Variants in SHISA9 observed in about 807,000 individuals in gnomAD.
The protein encoded by SHISA9 is protein shisa-9.
Under a neutral mutation model 38.0 loss-of-function variants are expected in SHISA9, and 13 were observed. The observed-to-expected ratio is 0.34, with a 90% CI of 0.22 to 0.54. The LOEUF is 0.54. Among genes scored for constraint, SHISA9 ranks in the 20% least tolerant of loss-of-function variants. The pLI is 0.91. For missense variants in SHISA9, 538 were observed against 575.8 expected (o/e 0.93, Z 0.67); for synonymous variants, 275 against 242.0 (o/e 1.14, Z -1.27).
chr16:13,539,358 T>TATAAAA, the SHISA9 span, among the ~76,000 whole-genome samples: 1 of 65,360 alleles, frequency 1.5e-5, no homozygotes, highest in African/African-American at 5.3e-5. Flanking sequence ...TATATATATA[T>TATAAAA]AAAGACAGGA....
downstream of SHISA9, among the ~76,000 whole-genome samples, chr16:13,243,416 G>T (rs1567263670): frequency 1.3e-5 from 2 of 152,030 alleles, no homozygotes. Flanking sequence ...ATATTGGTTT[G>T]GTCCAGAAAG....
intron 2 of SHISA9, among the ~76,000 whole-genome samples, chr16:13,177,518 A>G (rs1302482380): frequency 1.3e-5 from 2 of 152,064 alleles, no homozygotes; most frequent in African/African-American, 4.8e-5. Context: ...ACTAGTGCTC[A>G]ATACTTCTAC....
chr16:13,283,557 T>C, the SHISA9 span, among the ~76,000 whole-genome samples: 1 of 152,042 alleles, frequency 6.6e-6, no homozygotes, highest in African/African-American at 2.4e-5. Flanking sequence ...TTTCTCCCTA[T>C]AAAACCATCA....
At chr16:13,251,060 C>A in the SHISA9 span, among the ~76,000 whole-genome samples, 1 of 152,108 alleles carries the variant, frequency 6.6e-6, no homozygotes, top group Admixed American at 6.5e-5. Context: ...TTCACCTGCA[C>A]GATAGGGTTC....
intron 2 of SHISA9, among the ~76,000 whole-genome samples, chr16:12,931,791 T>A (rs1030303734): frequency 2.0e-5 from 3 of 152,204 alleles, no homozygotes; most frequent in Non-Finnish European, 2.9e-5. Flanking sequence ...CTAGGTCAGA[T>A]GAAGTTGCCC....
chr16:13,460,354 C>G, the SHISA9 span, among the ~76,000 whole-genome samples: 1 of 152,120 alleles, frequency 6.6e-6, no homozygotes, highest in African/African-American at 2.4e-5. Flanking sequence ...CAGTCATTTA[C>G]TGTGTGCTGG....
At chr16:13,043,085 A>G (rs961156604) in intron 2 of SHISA9, among the ~76,000 whole-genome samples, 1 of 152,160 alleles carries the variant, frequency 6.6e-6, no homozygotes, top group Non-Finnish European at 1.5e-5. Flanking sequence ...TAGACATGGG[A>G]TGCTCTGCTC....
intron 2 of SHISA9, among the ~76,000 whole-genome samples, chr16:13,137,560 A>G (rs1453713964): frequency 4.6e-5 from 7 of 151,426 alleles, no homozygotes; most frequent in African/African-American, 1.5e-4. Context: ...GGTTCAAGTG[A>G]TTCTTCTGTC....
chr16:12,963,665 GCA>G (rs2141796719), intron 2 of SHISA9, among the ~76,000 whole-genome samples: 1 of 152,202 alleles, frequency 6.6e-6, no homozygotes, highest in East Asian at 1.9e-4. Flanking sequence ...GGAGACTGAG[GCA>G]CAAAGGGATT....
chr16:13,301,737 A>T, the SHISA9 span, among the ~76,000 whole-genome samples: 1 of 152,186 alleles, frequency 6.6e-6, no homozygotes, highest in Non-Finnish European at 1.5e-5. Context: ...CAATGAGTGA[A>T]TGAATGAAGT....
the SHISA9 span, among the ~76,000 whole-genome samples, chr16:13,446,150 C>T: frequency 6.6e-6 from 1 of 151,976 alleles, no homozygotes; most frequent in African/African-American, 2.4e-5. Flanking sequence ...TTTCCCCATG[C>T]TGGCCAGGAT....
Position 13,093,256 on chromosome 16 carries a change from A to T in SHISA9, c.692-110138A>T, listed in dbSNP as rs146564173. On this transcript the variant is annotated intron_variant, in intron 2 of 4. Coordinates refer to ENST00000558583, the MANE Select transcript of SHISA9 (RefSeq NM_001145204.3). ...GATGACTTAGATGAGAGAAACTTCT[A>T]TCGTAGATCCTGCCTGTCACTATAA... Among the ~76,000 whole-genome samples the T allele has an allele frequency of 7.2e-3, 1,103 of 152,296 alleles. 3 individuals are homozygous for T. The highest frequency in any genetic ancestry group is 0.011 in the Non-Finnish European group (728 of 68,026).
the SHISA9 span, among the ~76,000 whole-genome samples, chr16:13,300,845 TCTCTCCTCTCCTCTC>T: frequency 6.7e-3 from 892 of 133,166 alleles, 7 homozygotes; most frequent in African/African-American, 0.022. Flanking sequence ...CCTCCCCTCT[TCTCTCCTCTCCTCTC>T]CTCTCCTCTC....
At chr16:13,264,685 T>C in the SHISA9 span, among the ~76,000 whole-genome samples, 1 of 152,066 alleles carries the variant, frequency 6.6e-6, no homozygotes. Context: ...ATATCTTAGG[T>C]TTAAGTTAGT....
In SHISA9 at chr16:13,214,528, G is replaced by T. The variant is rs1021845067; in HGVS notation, c.895+1228G>T. The stretch of plus-strand genomic sequence containing the variant: ...GCCAGTAGAACTCTTTAATGAGCTC[G>T]AACTGGGGAAAATTAGGAGACATTG... On this transcript the variant is annotated intron_variant, in intron 4 of 4. Transcript: ENST00000558583. Among the ~76,000 whole-genome samples, 8 of 152,196 alleles carry T rather than the reference G, an allele frequency of 5.3e-5. 1 individual carries two copies. The highest frequency in any genetic ancestry group is 5.2e-4 in the Admixed American group (8 of 15,286).
At chr16:13,313,421 A>G in the SHISA9 span, among the ~76,000 whole-genome samples, 4 of 152,178 alleles carry the variant, frequency 2.6e-5, no homozygotes, top group African/African-American at 9.7e-5. Flanking sequence ...AATGAACCCA[A>G]CTCCCAACCA....
intron 2 of SHISA9, among the ~76,000 whole-genome samples, chr16:12,921,045 G>C (rs760661089): frequency 1.3e-5 from 2 of 152,116 alleles, no homozygotes; most frequent in Non-Finnish European, 2.9e-5. Context: ...TACTCTCTTT[G>C]GGTCAGTGTT....
At chr16:13,390,993 A>G in the SHISA9 span, among the ~76,000 whole-genome samples, 1 of 152,202 alleles carries the variant, frequency 6.6e-6, no homozygotes, top group Non-Finnish European at 1.5e-5. Flanking sequence ...AAGCAAGAAT[A>G]TTGAGGAGAA....
chr16:13,516,030 T>C, the SHISA9 span, among the ~76,000 whole-genome samples: 2 of 152,246 alleles, frequency 1.3e-5, no homozygotes, highest in Non-Finnish European at 2.9e-5. Flanking sequence ...ATCAGTTGCC[T>C]GTGACTTATC....
Sources: allele counts gnomAD v4.1 joint callset (sites outside exome capture counted in the v4.1 genomes callset), GRCh38; gene constraint gnomAD v4.1.1; transcripts MANE v1.5; gene names NCBI Gene and HGNC (gene_info 2026-07-23, HGNC 2026-07-21).